KRT86: variants seen among roughly 807,000 people sequenced by gnomAD.
The protein encoded by KRT86 is keratin, type II cuticular Hb6.
Under a neutral mutation model 41.2 loss-of-function variants are expected in KRT86, and 30 were observed. That is an observed-to-expected ratio of 0.73 (90% CI 0.54 to 0.99). The LOEUF is 0.99. Among genes scored for constraint, KRT86 ranks in the 50% least tolerant of loss-of-function variants. The pLI, the probability that KRT86 is intolerant of heterozygous loss-of-function variation, is 0.00. For synonymous variants in KRT86, 238 were observed against 238.1 expected (o/e 1.00, Z 0.00); for missense variants, 561 against 571.4 (o/e 0.98, Z 0.19).
At chr12:52,299,244 T>C (rs769625279) in intron 2 of KRT86, among the ~76,000 whole-genome samples, 3 of 152,236 alleles carry the variant, frequency 2.0e-5, no homozygotes, top group African/African-American at 7.2e-5. Flanking sequence ...CATAATGTCC[T>C]CCAGTTCCAT....
chr12:52,298,208 C>G (rs1938291714), intron 2 of KRT86, among the ~76,000 whole-genome samples: 1 of 152,166 alleles, frequency 6.6e-6, no homozygotes, highest in South Asian at 2.1e-4. Flanking sequence ...CAGGCTGGAG[C>G]AGAGATTGAA....
intron 2 of KRT86, among the ~76,000 whole-genome samples, chr12:52,300,527 C>T (rs1369635654): frequency 2.0e-5 from 3 of 152,170 alleles, no homozygotes; most frequent in Non-Finnish European, 4.4e-5. Flanking sequence ...CCAGGAGAGT[C>T]AAGTGCCTTC....
chr12:52,285,525 A>AT (rs1376924201), intron 2 of KRT86, among the ~76,000 whole-genome samples: 2 of 152,172 alleles, frequency 1.3e-5, no homozygotes, highest in East Asian at 3.8e-4. Context: ...GGTGAATCTG[A>AT]TTTTCATGAT....
intron 2 of KRT86, among the ~76,000 whole-genome samples, chr12:52,293,637 G>A (rs931046279): frequency 2.6e-5 from 4 of 152,138 alleles, no homozygotes; most frequent in African/African-American, 9.7e-5. Context: ...GCAGCACCCC[G>A]TGGCTAAGAA....
chr12:52,284,096 A>T (rs1019631940), intron 2 of KRT86, among the ~76,000 whole-genome samples: 1 of 152,166 alleles, frequency 6.6e-6, no homozygotes, highest in African/African-American at 2.4e-5. Flanking sequence ...TCAGGACTGG[A>T]GTTGTAGTTG....
intron 2 of KRT86, among the ~76,000 whole-genome samples, chr12:52,279,783 T>C (rs1937730409): frequency 6.6e-6 from 1 of 151,796 alleles, no homozygotes; most frequent in South Asian, 2.1e-4. Flanking sequence ...TGCAGAAGAG[T>C]CTAGCCTGGG....
Position 52,286,411 on chromosome 12 carries a change from G to A in KRT86, c.-5+10465G>A, listed in dbSNP as rs1382298736. On this transcript the variant is annotated intron_variant, in intron 2 of 10. Transcript: ENST00000423955. ...CCGCCACGTTCCCGTTGCACGGAGCGCTGCAGACACTGCCAGTCACTGGCC... is the reference window on the plus strand; with the variant it reads ...CCGCCACGTTCCCGTTGCACGGAGCACTGCAGACACTGCCAGTCACTGGCC... 8 of 1,554,232 alleles carry A rather than the reference G, an allele frequency of 5.1e-6. No homozygotes were observed. The East Asian group carries it at 9.7e-5, about 19-fold the overall frequency.
chr12:52,275,322 A>T (rs1422519222), intron 1 of KRT86, among the ~76,000 whole-genome samples: 1 of 152,214 alleles, frequency 6.6e-6, no homozygotes, highest in East Asian at 1.9e-4. Context: ...AAGAAGCTGG[A>T]ATCTAGATCA....
chr12:52,306,870 G>C (rs552952486), intron 9 of KRT86: 1 of 164,630 alleles, frequency 6.1e-6, no homozygotes, highest in South Asian at 1.7e-4. Flanking sequence ...TCAGAGGTGG[G>C]GGGAGTGGAG....
intron 2 of KRT86, chr12:52,286,541 T>C (rs1404864383): frequency 6.5e-7 from 1 of 1,533,710 alleles, no homozygotes; most frequent in Non-Finnish European, 8.8e-7. Context: ...CAAGCCATCC[T>C]GCCTTCCTGA....
intron 2 of KRT86, chr12:52,279,203 T>C (rs1465485654): frequency 6.6e-6 from 1 of 152,274 alleles, no homozygotes; most frequent in African/African-American, 2.4e-5. Context: ...GGGCTTTAGC[T>C]ACACAGCTCC....
rs1233177026 is a variant in KRT86 at position 52,302,012 on chromosome 12, C to T, written c.96C>T (p.Tyr32=). The stretch of plus-strand genomic sequence containing the variant: ...GCTGCTGCATCACCGCCGCCCCCTA[C>T]CGTGGCATCTCCTGCTACCGCGGCC... The part of the protein sequence containing the change: ...PGRCCITAAP[Y]RGISCYRGLT... The change falls in exon 3 of 11, where the codon TAC becomes TAT. Residue 32 remains tyrosine, a synonymous_variant. Transcript: ENST00000423955. 6.2e-7 allele frequency: 1 copy of T among 1,612,148 alleles called. No individual in the cohort carries two copies. The highest frequency in any genetic ancestry group is 8.5e-7 in the Non-Finnish European group (1 of 1,179,116).
rs116219720 is a variant in KRT86, at chr12:52,281,677, C to T, written c.-5+5731C>T. Among the ~76,000 whole-genome samples the T allele has an allele frequency of 3.8e-3, 576 of 152,252 alleles. 1 individual carries two copies. Among genetic ancestry groups the T allele is most frequent in the African/African-American group, 0.013 (544 of 41,528 alleles). On this transcript the variant is annotated intron_variant, in intron 2 of 10. Transcript: ENST00000423955. Reference sequence around the variant, plus strand: ...TCCAAACTCTTCACCTGTTTCTGGGCCTCAGTCCTGCCCTCCTCTAGATCT... The same window carrying T: ...TCCAAACTCTTCACCTGTTTCTGGGTCTCAGTCCTGCCCTCCTCTAGATCT...
intron 2 of KRT86, among the ~76,000 whole-genome samples, chr12:52,283,979 G>A (rs763360355): frequency 5.3e-5 from 8 of 152,324 alleles, no homozygotes; most frequent in South Asian, 2.1e-4. Context: ...TTGTGGGGCC[G>A]GAGTAGGAAG....
intron 2 of KRT86, chr12:52,279,278 A>T (rs1461016243): frequency 6.6e-6 from 1 of 152,316 alleles, no homozygotes; most frequent in African/African-American, 2.4e-5. Context: ...TTCTGCCCTA[A>T]AGACTTAGCC....
intron 9 of KRT86, chr12:52,307,121 CTTGT>C (rs1029067580): frequency 6.6e-6 from 1 of 152,190 alleles, no homozygotes; most frequent in African/African-American, 2.4e-5. Context: ...GAGGGAGCAT[CTTGT>C]TTATTTGGGA....
rs1191566251 is a variant in KRT86 at position 52,308,255 on chromosome 12, G to T, written c.1270G>T (p.Val424Leu). 6.2e-7 allele frequency: 1 copy of T among 1,614,200 alleles called. No homozygotes were observed. Among genetic ancestry groups the T allele is most frequent in the African/African-American group, 1.3e-5 (1 of 75,078 alleles). ...EQRLCEGVGS[V>L]NVCVSSSRGG... The stretch of plus-strand genomic sequence containing the variant: ...CAGGCTGTGCGAGGGCGTCGGCTCG[G>T]TGAATGTCTGTAAGTAGTGGGGTCC... The change falls in exon 10 of 11, where the codon GTG (valine) becomes TTG (leucine). Residue 424 changes from valine to leucine, a missense_variant. By Grantham distance (32) the Val-to-Leu change is conservative (BLOSUM62 1). Coordinates refer to ENST00000423955, the MANE Select transcript of KRT86 (RefSeq NM_001320198.2).
chr12:52,291,677 G>A (rs1024182767), intron 2 of KRT86: 4 of 674,388 alleles, frequency 5.9e-6, no homozygotes, highest in African/African-American at 5.6e-5. Context: ...TTTAATGGGG[G>A]AGTGGCCTGC....
At chr12:52,275,739 C>A in intron 1 of KRT86, 82 bp from the exon 2 acceptor site, 1 of 542,512 alleles carries the variant, frequency 1.8e-6, no homozygotes, top group Non-Finnish European at 2.4e-6. Context: ...TAGGTGACCA[C>A]TGGTGACAGC....
Sources: gnomAD v4.1 joint callset for allele counts (sites outside exome capture counted in the v4.1 genomes callset) on GRCh38, gnomAD v4.1.1 for gene constraint, MANE v1.5 for transcripts, NCBI Gene and HGNC (gene_info 2026-07-23, HGNC 2026-07-21) for gene names.